Variants in TRIOBP observed in about 807,000 individuals in gnomAD.
The protein encoded by TRIOBP is TRIO and F-actin-binding protein.
Under a neutral mutation model 238.8 loss-of-function variants are expected in TRIOBP, and 169 were observed. That is an observed-to-expected ratio of 0.71 (90% CI 0.62 to 0.80). The LOEUF (loss-of-function observed/expected upper bound fraction) is 0.80. TRIOBP is among the 30% of genes least tolerant of loss of function. TRIOBP has a pLI of 0.00. For missense variants in TRIOBP, 2,838 were observed against 3,122.6 expected, an observed-to-expected ratio of 0.91 and a Z score of 2.17; for synonymous variants, 1,150 against 1,274.4, an observed-to-expected ratio of 0.90 and a Z score of 2.08.
chr22:37,727,455 T>A (rs1387661167), intron 7 of TRIOBP, among the ~76,000 whole-genome samples: 4 of 151,390 alleles, frequency 2.6e-5, no homozygotes, highest in African/African-American at 9.7e-5. Context: ...GATCACAAGG[T>A]CAGGAGATCG....
intron 11 of TRIOBP, 200 bp from the exon 12 acceptor site, chr22:37,751,572 G>T (rs1359219096): frequency 3.2e-6 from 2 of 618,572 alleles, no homozygotes; most frequent in Non-Finnish European, 5.8e-6. Context: ...CCACTATCAG[G>T]AAAGGGGCCA....
intron 15 of TRIOBP, 88 bp from the exon 16 acceptor site, chr22:37,757,525 G>A: frequency 1.3e-6 from 2 of 1,517,438 alleles, no homozygotes; most frequent in Non-Finnish European, 8.8e-7. Flanking sequence ...CTGGCACAGG[G>A]CCTGGCACAC....
intron 3 of TRIOBP, among the ~76,000 whole-genome samples, chr22:37,709,186 C>T (rs766368898): frequency 6.6e-6 from 1 of 152,202 alleles, no homozygotes; most frequent in Non-Finnish European, 1.5e-5. Context: ...CACTGCCTGA[C>T]CCCAGCAGTG....
At chr22:37,727,603 G>A (rs916551975) in intron 7 of TRIOBP, among the ~76,000 whole-genome samples, 4 of 152,094 alleles carry the variant, frequency 2.6e-5, no homozygotes, top group African/African-American at 9.7e-5. Context: ...GGGAGGCGGA[G>A]CTTGCAGTGA....
chr22:37,765,171 C>G lies in TRIOBP; in HGVS notation c.6325-499C>G, dbSNP rs377257363. Among the ~76,000 whole-genome samples the G allele has an allele frequency of 5.3e-4, 81 of 152,346 alleles. 1 individual carries two copies. In the South Asian group the frequency reaches 5.6e-3, roughly 11 times the overall value. ...TGGTGGGCACCTGTAGTCCCAGCTA[C>G]TCACGAGGCTGAGGCAGAAGAATCA... On this transcript the variant is annotated intron_variant, in intron 17 of 23. Coordinates refer to ENST00000644935, the MANE Select transcript of TRIOBP (RefSeq NM_001039141.3).
chr22:37,737,121 A>G (rs547639962), intron 9 of TRIOBP, among the ~76,000 whole-genome samples: 5 of 152,308 alleles, frequency 3.3e-5, no homozygotes, highest in African/African-American at 1.2e-4. Context: ...AGGAAGGCAC[A>G]CAGACAGCTC....
intron 9 of TRIOBP, among the ~76,000 whole-genome samples, chr22:37,738,094 G>T (rs1310748632): frequency 6.6e-6 from 1 of 152,238 alleles, no homozygotes; most frequent in Non-Finnish European, 1.5e-5. Flanking sequence ...GGGTCAGTGG[G>T]TGAACAATGA....
intron 15 of TRIOBP, among the ~76,000 whole-genome samples, chr22:37,757,263 C>A (rs981882369): frequency 6.6e-6 from 1 of 151,992 alleles, no homozygotes; most frequent in Non-Finnish European, 1.5e-5. Flanking sequence ...CTCCAGAGGC[C>A]GAGGCAGGAG....
At chr22:37,711,828 C>A (rs564475482) in intron 4 of TRIOBP, among the ~76,000 whole-genome samples, 1 of 152,116 alleles carries the variant, frequency 6.6e-6, no homozygotes, top group African/African-American at 2.4e-5. Context: ...TTATTATCAT[C>A]GTGTAGGCCA....
Position 37,715,797 on chromosome 22 carries a change from C to T in TRIOBP, c.491C>T (p.Ala164Val), listed in dbSNP as rs1374574788. 3 of 1,614,046 alleles carry T rather than the reference C, an allele frequency of 1.9e-6. No homozygotes were observed. Among genetic ancestry groups the T allele is most frequent in the Admixed American group, 1.7e-5 (1 of 60,024 alleles). The change falls in exon 6 of 24, where the codon GCC (alanine) becomes GTC (valine). Residue 164 changes from alanine to valine, a missense_variant. Transcript: ENST00000644935. ...WDTVERQEEE[A>V]PSWDELAVMI... ...ACTGTTGAGAGGCAGGAGGAGGAGG[C>T]CCCCAGCTGGGACGAGCTCGCAGTG...
In TRIOBP at chr22:37,726,258, C is replaced by T. The variant is rs1416717938; in HGVS notation, c.3702C>T (p.Pro1234=). The change falls in exon 7 of 24, where the codon CCC becomes CCT. Residue 1234 remains proline, a synonymous_variant. Coordinates refer to ENST00000644935, the MANE Select transcript of TRIOBP (RefSeq NM_001039141.3). ...PRASSPPRHP[P]SDLAFLAPSP... ...CCTCCTCCCCACCCCGCCACCCACC[C>T]AGTGACCTAGCGTTCCTGGCACCCT... 1 of 1,612,826 alleles carries T rather than the reference C, an allele frequency of 6.2e-7. No individual in the cohort carries two copies. Among genetic ancestry groups the T allele is most frequent in the South Asian group, 1.1e-5 (1 of 90,992 alleles).
At chr22:37,759,651 A>G in intron 17 of TRIOBP, 1 of 1,529,280 alleles carries the variant, frequency 6.5e-7, no homozygotes, top group Non-Finnish European at 8.7e-7. Context: ...ACACAGGGAA[A>G]TCCTGCCGAG....
chr22:37,699,732 G>T (rs1249853638), intron 2 of TRIOBP, among the ~76,000 whole-genome samples: 2 of 152,018 alleles, frequency 1.3e-5, no homozygotes, highest in East Asian at 1.9e-4. Context: ...GTAGAGACAG[G>T]GTTTGGCAAT....
rs773225500 is a variant in TRIOBP, at chr22:37,725,039, C to T, written c.2483C>T (p.Ser828Phe). ...CIQQNIPRSS[S>F]TQQDNPKTSC... is the part of the protein sequence containing the mutation. ...CAACAGAACATCCCCAGATCATCTT[C>T]TACCCAACAAGACAACCCTAAAACC... Residue 828 changes from serine (S) to phenylalanine (F), a missense_variant, in exon 7 of 24, where the codon TCT becomes TTT. Transcript: ENST00000644935. The T allele has an allele frequency of 2.2e-5, 35 of 1,614,152 alleles. 1 individual carries two copies. The South Asian group carries it at 3.5e-4, about 16-fold the overall frequency.
chr22:37,754,158 C>G (rs936301623), intron 12 of TRIOBP, among the ~76,000 whole-genome samples: 2 of 152,116 alleles, frequency 1.3e-5, no homozygotes, highest in Non-Finnish European at 1.5e-5. Context: ...GCCTGTAATC[C>G]CAGCACTTTG....
intron 5 of TRIOBP, among the ~76,000 whole-genome samples, chr22:37,714,607 G>C (rs1312428521): frequency 6.6e-6 from 1 of 151,988 alleles, no homozygotes; most frequent in African/African-American, 2.4e-5. Context: ...AGGTTGCAGT[G>C]AGCTTAGATT....
chr22:37,734,888 A>C lies in TRIOBP; in HGVS notation c.4552A>C (p.Asn1518His). The C allele has an allele frequency of 3.1e-6, 5 of 1,613,114 alleles. No homozygotes were observed. The highest frequency in any genetic ancestry group is 4.2e-6 in the Non-Finnish European group (5 of 1,179,986). Reference sequence around the variant, plus strand: ...AAGCCCACTCACGAGCCCCCCTGAGAACTGGGGAGGCCCCGCAGAGTCCTC... The same window carrying C: ...AAGCCCACTCACGAGCCCCCCTGAGCACTGGGGAGGCCCCGCAGAGTCCTC... ...KRSPLTSPPE[N>H]WGGPAESSQS... The change falls in exon 9 of 24, where the codon AAC (asparagine) becomes CAC (histidine). Residue 1518 changes from asparagine (N) to histidine (H), a missense_variant. Around this residue, in one of 5 missense-constraint regions of TRIOBP, gnomAD observed 2,096 missense variants for 2,137.4 expected, o/e 0.98. Coordinates refer to ENST00000644935, the MANE Select transcript of TRIOBP (RefSeq NM_001039141.3).
rs1034500722 is a variant in TRIOBP at position 37,772,537 on chromosome 22, G to A, written c.6937-64G>A. On this transcript the variant is annotated intron_variant, in intron 22 of 23. Coordinates refer to ENST00000644935, the MANE Select transcript of TRIOBP (RefSeq NM_001039141.3). Reference sequence around the variant, plus strand: ...AGGTCTGGCTGCTGGTGCTGCCCATGTGCCCGGTTGGCAGGGCTGGAGGGA... The same window carrying A: ...AGGTCTGGCTGCTGGTGCTGCCCATATGCCCGGTTGGCAGGGCTGGAGGGA... 10 of 1,610,638 alleles carry A rather than the reference G, an allele frequency of 6.2e-6. No homozygotes were observed. The African/African-American group carries it at 8.0e-5, about 13-fold the overall frequency.
rs1406331791 is a variant in TRIOBP at position 37,749,453 on chromosome 22, G to A, written c.5323-2319G>A. ...CCCGCCAGCCCGAGGGTGTGTAGAG[G>A]GGTTGTGTGCCTGGCCAGGTAGGAG... is the stretch of plus-strand genomic sequence containing the variant. On this transcript the variant is annotated intron_variant, in intron 11 of 23. Coordinates refer to ENST00000644935, the MANE Select transcript of TRIOBP (RefSeq NM_001039141.3). 2.6e-5 allele frequency among the ~76,000 whole-genome samples: 4 copies of A among 152,144 alleles called. No homozygotes were observed. In the East Asian group the frequency reaches 7.7e-4, roughly 29 times the overall value.
Sources: allele counts gnomAD v4.1 joint callset (sites outside exome capture counted in the v4.1 genomes callset), GRCh38; gene constraint gnomAD v4.1.1; regional missense constraint gnomAD v4.1.1; transcripts MANE v1.5; gene names NCBI Gene and HGNC (gene_info 2026-07-23, HGNC 2026-07-21).